NEDD4L: variants seen among roughly 807,000 people sequenced by gnomAD.
The protein encoded by NEDD4L is NEDD4 like E3 ubiquitin protein ligase.
A neutral mutation model predicts 148.9 loss-of-function variants in NEDD4L; 54 were observed. The ratio of observed to expected loss-of-function variants is 0.36; its 90% confidence interval spans 0.29 to 0.45. The LOEUF (loss-of-function observed/expected upper bound fraction) is 0.45, where lower values mean the gene tolerates loss of function less well. Among genes scored for constraint, NEDD4L ranks in the 20% least tolerant of loss-of-function variants. NEDD4L has a pLI of 1.00. For missense variants in NEDD4L, 856 were observed against 1,233.8 expected, an observed-to-expected ratio of 0.69 and a Z score of 4.59; for synonymous variants, 433 against 440.7, an observed-to-expected ratio of 0.98 and a Z score of 0.22.
intron 30 of NEDD4L, among the ~76,000 whole-genome samples, chr18:58,393,980 G>A (rs961834879): frequency 3.3e-5 from 5 of 152,146 alleles, no homozygotes; most frequent in African/African-American, 1.2e-4. Flanking sequence ...AGAATCACAG[G>A]CCCACCTGCC....
chr18:58,131,592 T>C (rs577183), intron 1 of NEDD4L, among the ~76,000 whole-genome samples: 128,296 of 147,982 alleles, frequency 0.87, 55,475 homozygotes, highest in East Asian at 0.91. Context: ...TGTGATCTAG[T>C]GGAACTGTGG....
intron 1 of NEDD4L, among the ~76,000 whole-genome samples, chr18:58,077,755 G>A (rs1035523756): frequency 3.9e-5 from 6 of 152,188 alleles, no homozygotes; most frequent in African/African-American, 1.2e-4. Context: ...GAGGTGGGCA[G>A]TTATCTTTAA....
intron 2 of NEDD4L, among the ~76,000 whole-genome samples, chr18:58,176,106 A>C (rs1042836919): frequency 6.6e-6 from 1 of 151,130 alleles, no homozygotes; most frequent in Admixed American, 6.5e-5. Context: ...ATATATGATC[A>C]GTTTACAAAC....
At chr18:58,163,167 T>C (rs2036436719) in intron 1 of NEDD4L, among the ~76,000 whole-genome samples, 1 of 152,146 alleles carries the variant, frequency 6.6e-6, no homozygotes, top group South Asian at 2.1e-4. Context: ...AGCCTTGAGC[T>C]CCTGGACTCA....
intron 1 of NEDD4L, among the ~76,000 whole-genome samples, chr18:58,080,590 G>A (rs1482395203): frequency 1.3e-5 from 2 of 152,190 alleles, no homozygotes; most frequent in South Asian, 2.1e-4. Flanking sequence ...CCAGATGAGC[G>A]AGAAGGCAAA....
intron 1 of NEDD4L, among the ~76,000 whole-genome samples, chr18:58,150,304 G>A (rs1442273309): frequency 6.6e-6 from 1 of 152,088 alleles, no homozygotes; most frequent in African/African-American, 2.4e-5. Flanking sequence ...GCATAATCTC[G>A]GCCCACTGCA....
chr18:58,254,113 C>A (rs898426852), intron 5 of NEDD4L, among the ~76,000 whole-genome samples: 6 of 151,972 alleles, frequency 3.9e-5, no homozygotes, highest in Admixed American at 3.9e-4. Flanking sequence ...TCATTTTTGG[C>A]ATTTAAAACA....
chr18:58,066,547 T>C (rs2082606709), intron 1 of NEDD4L, among the ~76,000 whole-genome samples: 1 of 152,094 alleles, frequency 6.6e-6, no homozygotes, highest in South Asian at 2.1e-4. Flanking sequence ...CTTGAACGCC[T>C]GACCTCGTGT....
rs532661785 is a variant in NEDD4L at position 58,366,263 on chromosome 18, A to G, written c.2063+35A>G. The stretch of plus-strand genomic sequence containing the variant: ...TGGCCACACCCAGTGTGTGTCCCCC[A>G]CTGAGACAGTTGTATGAATTTAAAC... On this transcript the variant is annotated intron_variant, in intron 21 of 30. Transcript: ENST00000400345. This position sits in a 1 kb window ranked among gnomAD's most constrained non-coding sequence, Gnocchi z 4.2. 2 of 1,382,726 alleles carry G rather than the reference A, an allele frequency of 1.4e-6. No individual in the cohort carries two copies. The highest frequency in any genetic ancestry group is 2.0e-6 in the Non-Finnish European group (2 of 1,007,816). 85.7% of individuals were successfully genotyped at this position (1,382,726 alleles called of 1,614,324 possible). A position where few individuals can be genotyped will look rare whatever the true frequency, so the allele number is the denominator to read the frequency against.
intron 2 of NEDD4L, among the ~76,000 whole-genome samples, chr18:58,206,529 G>A (rs148847540): frequency 1.3e-3 from 196 of 152,282 alleles, no homozygotes; most frequent in African/African-American, 4.3e-3. Context: ...GTGTTTGCAC[G>A]GGGTCTGAAC....
At position 58,248,245 on chromosome 18, in the gene NEDD4L, A is replaced by G. The variant is rs143935525; in HGVS notation, c.205-654A>G. Reference sequence around the variant, plus strand: ...AGTCCTTTCTTCCATGCTGAGGACAAAGGTATCCTTGCCATCTCCTTGTGA... The same window carrying G: ...AGTCCTTTCTTCCATGCTGAGGACAGAGGTATCCTTGCCATCTCCTTGTGA... On this transcript the variant is annotated intron_variant, in intron 3 of 30. Coordinates refer to ENST00000400345, the MANE Select transcript of NEDD4L (RefSeq NM_001144967.3). Among the ~76,000 whole-genome samples the G allele has an allele frequency of 2.9e-3, 443 of 152,348 alleles. 3 individuals carry two copies. Among genetic ancestry groups the G allele is most frequent in the South Asian group, 0.017 (82 of 4,828 alleles).
chr18:58,387,151 A>G (rs892432125), intron 26 of NEDD4L, among the ~76,000 whole-genome samples: 2 of 152,252 alleles, frequency 1.3e-5, no homozygotes, highest in South Asian at 2.1e-4. Context: ...CAGCAGTGTT[A>G]TAAATGGCTT....
intron 1 of NEDD4L, among the ~76,000 whole-genome samples, chr18:58,110,272 G>A (rs1191311151): frequency 6.6e-6 from 1 of 152,224 alleles, no homozygotes; most frequent in Non-Finnish European, 1.5e-5. Flanking sequence ...AATCCACATG[G>A]GATGGAAGGA....
chr18:58,258,823 T>G lies in NEDD4L; in HGVS notation c.297+6769T>G, dbSNP rs150735288. Among the ~76,000 whole-genome samples, 9 of 152,322 alleles carry G rather than the reference T, an allele frequency of 5.9e-5. No homozygotes were observed. The East Asian group carries it at 1.7e-3, about 29-fold the overall frequency. On this transcript the variant is annotated intron_variant, in intron 5 of 30. Coordinates refer to ENST00000400345, the MANE Select transcript of NEDD4L (RefSeq NM_001144967.3). ...AAAACCGCCTGCTCCATTCAGCAACTTTGTATGCATTTCATATGGACAGGG... is the reference window on the plus strand; with the variant it reads ...AAAACCGCCTGCTCCATTCAGCAACGTTGTATGCATTTCATATGGACAGGG...
At chr18:58,166,437 C>T (rs2036853153) in intron 2 of NEDD4L, among the ~76,000 whole-genome samples, 1 of 152,136 alleles carries the variant, frequency 6.6e-6, no homozygotes, top group South Asian at 2.1e-4. Flanking sequence ...TATTGGCTGT[C>T]AGCAATGTGT....
At chr18:58,255,314 TTAA>T in intron 5 of NEDD4L, 2 of 184,984 alleles carry the variant, frequency 1.1e-5, no homozygotes, top group Non-Finnish European at 1.9e-5. Context: ...CTCTTGCTGT[TTAA>T]AAAAAAAAAA....
At chr18:58,282,702 A>G (rs1250699562) in intron 5 of NEDD4L, among the ~76,000 whole-genome samples, 1 of 152,194 alleles carries the variant, frequency 6.6e-6, no homozygotes, top group Non-Finnish European at 1.5e-5. Context: ...AACATTCTAC[A>G]TTTAGTTTTG....
intron 1 of NEDD4L, among the ~76,000 whole-genome samples, chr18:58,076,635 G>A (rs372322112): frequency 6.6e-6 from 1 of 152,102 alleles, no homozygotes; most frequent in South Asian, 2.1e-4. Context: ...AGCTCAGTGA[G>A]GTGAGCCTGT....
At chr18:58,085,428 A>G (rs968811893) in intron 1 of NEDD4L, among the ~76,000 whole-genome samples, 3 of 152,178 alleles carry the variant, frequency 2.0e-5, no homozygotes, top group Non-Finnish European at 4.4e-5. Flanking sequence ...ACCATGCTTC[A>G]GGAAAATTCA....
Sources: allele counts gnomAD v4.1 joint callset (sites outside exome capture counted in the v4.1 genomes callset), GRCh38; gene constraint gnomAD v4.1.1; non-coding constraint Gnocchi (gnomAD v3.1); transcripts MANE v1.5; gene names NCBI Gene and HGNC (gene_info 2026-07-23, HGNC 2026-07-21).